Variants in PDGFRL observed in about 807,000 individuals in gnomAD.
The protein encoded by PDGFRL is platelet derived growth factor receptor like, also known as platelet-derived growth factor receptor-like protein.
Under a neutral mutation model 37.2 loss-of-function variants are expected in PDGFRL, and 46 were observed. That is an observed-to-expected ratio of 1.24 (90% CI 0.98 to 1.58). The LOEUF is 1.58. Among genes scored for constraint, PDGFRL ranks in the 40% most tolerant of loss-of-function variants. The probability of loss-of-function intolerance (pLI) is 0.00; values close to 1 mark genes in which losing one functional copy is unlikely to be tolerated. For synonymous variants in PDGFRL, 251 were observed against 184.3 expected (o/e 1.36, Z -2.93); for missense variants, 692 against 467.6 (o/e 1.48, Z -4.43).
chr8:17,601,445 C>G (rs1804163529), intron 2 of PDGFRL, among the ~76,000 whole-genome samples: 1 of 144,044 alleles, frequency 6.9e-6, no homozygotes, highest in African/African-American at 2.7e-5. Context: ...TAACTTATAC[C>G]CCCGTTTTTG....
At chr8:17,578,154 T>C (rs7016764) in intron 1 of PDGFRL, among the ~76,000 whole-genome samples, 34,505 of 151,976 alleles carry the variant, frequency 0.23, 4,059 homozygotes, top group Middle Eastern at 0.33. Flanking sequence ...ATTTGTACAG[T>C]ACATGTTTCA....
intron 4 of PDGFRL, among the ~76,000 whole-genome samples, chr8:17,631,639 C>T (rs1804862994): frequency 6.6e-6 from 1 of 152,174 alleles, no homozygotes; most frequent in Admixed American, 6.5e-5. Context: ...TTGCCCACTC[C>T]CATCTGGCCT....
At chr8:17,593,933 C>A (rs1016200232) in intron 2 of PDGFRL, among the ~76,000 whole-genome samples, 5 of 151,548 alleles carry the variant, frequency 3.3e-5, no homozygotes, top group African/African-American at 1.2e-4. Flanking sequence ...TTGAAGTGTA[C>A]AGTATTGTTA....
rs139454035 is a variant in PDGFRL at position 17,626,061 on chromosome 8, T to C, written c.506-2426T>C. Among the ~76,000 whole-genome samples the C allele has an allele frequency of 4.5e-4, 69 of 152,358 alleles. 3 individuals are homozygous for C. The East Asian group carries it at 0.013, about 28-fold the overall frequency. On this transcript the variant is annotated intron_variant, in intron 3 of 5. Coordinates refer to ENST00000251630, the MANE Select transcript of PDGFRL (RefSeq NM_001372073.1). ...TCACACGGTTCACTTATTCGACTAATGGCTCTGCTTATCGCTTCAGATTAT... is the reference window on the plus strand; with the variant it reads ...TCACACGGTTCACTTATTCGACTAACGGCTCTGCTTATCGCTTCAGATTAT...
At chr8:17,585,152 G>A (rs556858581) in intron 1 of PDGFRL, among the ~76,000 whole-genome samples, 2 of 152,250 alleles carry the variant, frequency 1.3e-5, no homozygotes, top group South Asian at 2.1e-4. Context: ...ATAATGATCA[G>A]TGAGGATGAC....
At chr8:17,598,044 C>T (rs1210441789) in intron 2 of PDGFRL, among the ~76,000 whole-genome samples, 2 of 152,106 alleles carry the variant, frequency 1.3e-5, no homozygotes, top group South Asian at 4.1e-4. Flanking sequence ...CATTTATAAA[C>T]ATTATTATAT....
intron 1 of PDGFRL, among the ~76,000 whole-genome samples, chr8:17,584,410 A>G (rs573675006): frequency 1.3e-4 from 20 of 151,842 alleles, no homozygotes; most frequent in Non-Finnish European, 2.4e-4. Context: ...GGGTCAGGAC[A>G]GGAGCTAGGG....
intron 2 of PDGFRL, among the ~76,000 whole-genome samples, chr8:17,610,323 TG>T (rs1487496562): frequency 1.3e-5 from 2 of 152,204 alleles, no homozygotes; most frequent in Non-Finnish European, 2.9e-5. Flanking sequence ...TAGTAAGGGT[TG>T]GGCATCCTAA....
chr8:17,579,320 G>C (rs901522082), intron 1 of PDGFRL, among the ~76,000 whole-genome samples: 2 of 152,074 alleles, frequency 1.3e-5, no homozygotes, highest in Non-Finnish European at 2.9e-5. Flanking sequence ...ATTAAGAATG[G>C]TTTTTGGTTT....
intron 2 of PDGFRL, among the ~76,000 whole-genome samples, chr8:17,605,983 C>G (rs993441028): frequency 6.6e-6 from 1 of 152,030 alleles, no homozygotes; most frequent in African/African-American, 2.4e-5. Context: ...GAGGGTGGGC[C>G]GATGGAGCAG....
chr8:17,607,268 C>G (rs1186316670), intron 2 of PDGFRL, among the ~76,000 whole-genome samples: 2 of 151,808 alleles, frequency 1.3e-5, no homozygotes, highest in Non-Finnish European at 2.9e-5. Flanking sequence ...CCAAGGTTCT[C>G]TAGATCACCC....
chr8:17,629,197 C>T (rs927803223), intron 4 of PDGFRL, among the ~76,000 whole-genome samples: 2 of 151,388 alleles, frequency 1.3e-5, no homozygotes, highest in Non-Finnish European at 2.9e-5. Context: ...CCCAGAGTGC[C>T]GAGATTACAA....
chr8:17,585,126 G>C (rs1216092911), intron 1 of PDGFRL, among the ~76,000 whole-genome samples: 1 of 152,086 alleles, frequency 6.6e-6, no homozygotes, highest in Non-Finnish European at 1.5e-5. Context: ...GCATGCTAAT[G>C]CATTATAATT....
chr8:17,594,043 G>A (rs140428058), intron 2 of PDGFRL, among the ~76,000 whole-genome samples: 198 of 151,954 alleles, frequency 1.3e-3, no homozygotes, highest in African/African-American at 4.6e-3. Context: ...ATTCTTTCCT[G>A]GCAGTCACCT....
intron 2 of PDGFRL, among the ~76,000 whole-genome samples, chr8:17,610,888 G>C (rs1401496404): frequency 6.6e-6 from 1 of 152,052 alleles, no homozygotes; most frequent in African/African-American, 2.4e-5. Flanking sequence ...TCCAGCCTGG[G>C]GGACAGTGAG....
chr8:17,630,404 C>T (rs547363498), intron 4 of PDGFRL, among the ~76,000 whole-genome samples: 19 of 152,252 alleles, frequency 1.2e-4, no homozygotes, highest in Admixed American at 1.2e-3. Flanking sequence ...TGTGTTGAAT[C>T]CCCCTTTTCC....
intron 2 of PDGFRL, among the ~76,000 whole-genome samples, chr8:17,606,064 A>G (rs1322508173): frequency 6.6e-6 from 1 of 152,250 alleles, no homozygotes; most frequent in Non-Finnish European, 1.5e-5. Flanking sequence ...ACATTTTAAA[A>G]GAAAAGGAGA....
chr8:17,581,778 C>T (rs772263422), intron 1 of PDGFRL, among the ~76,000 whole-genome samples: 15 of 152,166 alleles, frequency 9.9e-5, no homozygotes, highest in Non-Finnish European at 2.2e-4. Flanking sequence ...TTCCATGCTT[C>T]TTGTACAGCC....
intron 5 of PDGFRL, among the ~76,000 whole-genome samples, chr8:17,637,515 T>C (rs539929977): frequency 6.6e-6 from 1 of 152,306 alleles, no homozygotes; most frequent in East Asian, 1.9e-4. Context: ...ATCAAACATG[T>C]TGGTCTATAG....
Sources: gnomAD v4.1 joint callset for allele counts (sites outside exome capture counted in the v4.1 genomes callset) on GRCh38, gnomAD v4.1.1 for gene constraint, MANE v1.5 for transcripts, NCBI Gene and HGNC (gene_info 2026-07-23, HGNC 2026-07-21) for gene names.